BTRC: variants seen among roughly 807,000 people sequenced by gnomAD.
BTRC encodes the protein beta-transducin repeat containing E3 ubiquitin protein ligase.
Under a neutral mutation model 85.5 loss-of-function variants are expected in BTRC, and 42 were observed. The observed-to-expected ratio is 0.49, with a 90% CI of 0.38 to 0.64. The LOEUF (loss-of-function observed/expected upper bound fraction) is 0.64, where lower values mean the gene tolerates loss of function less well. Among genes scored for constraint, BTRC ranks in the 30% least tolerant of loss-of-function variants. The pLI, the probability that BTRC is intolerant of heterozygous loss-of-function variation, is 0.00. For synonymous variants in BTRC, 255 were observed against 263.3 expected (o/e 0.97, Z 0.30); for missense variants, 594 against 743.5 (o/e 0.80, Z 2.34).
rs535782033 is a variant in BTRC at position 101,555,415 on chromosome 10, C to T, written c.*2292C>T. The T allele has an allele frequency of 1.3e-5, 2 of 152,726 alleles. No individual in the cohort carries two copies. Among genetic ancestry groups the T allele is most frequent in the Non-Finnish European group, 2.9e-5 (2 of 68,018 alleles). 9.5% of individuals were successfully genotyped at this position (152,726 alleles called of 1,614,324 possible). A position where few individuals can be genotyped will look rare whatever the true frequency, so the allele number is the denominator to read the frequency against. ...ATGTCCAGTACATCACAAAGGAGAT[C>T]GGGGCGACCCCTGCAGATGTGGAGC... On this transcript the variant is annotated 3_prime_UTR_variant, in exon 15 of 15. Transcript: ENST00000370187.
At chr10:101,455,983 A>ACACACACACACACACACACACACACACAC (rs1554881061) in intron 2 of BTRC, among the ~76,000 whole-genome samples, 20 of 96,030 alleles carry the variant, frequency 2.1e-4, no homozygotes, top group Non-Finnish European at 3.4e-4. Flanking sequence ...CTCTACTAAA[A>ACACACACACACACACACACACACACACAC]ACACACACAC....
intron 6 of BTRC, among the ~76,000 whole-genome samples, chr10:101,526,943 A>G (rs1019006313): frequency 1.3e-5 from 2 of 152,212 alleles, no homozygotes; most frequent in East Asian, 3.8e-4. Context: ...AGACTTCACT[A>G]ATTTTTTTGT....
At chr10:101,390,954 G>A (rs1462878833) in intron 1 of BTRC, among the ~76,000 whole-genome samples, 4 of 152,066 alleles carry the variant, frequency 2.6e-5, no homozygotes, top group East Asian at 1.9e-4. Flanking sequence ...TGAAACTTGC[G>A]TGGAAAGAAG....
At chr10:101,358,567 A>G (rs1942109898) in intron 1 of BTRC, among the ~76,000 whole-genome samples, 1 of 152,232 alleles carries the variant, frequency 6.6e-6, no homozygotes, top group Non-Finnish European at 1.5e-5. Context: ...TGTTTAACAG[A>G]CAACCTCAAA....
chr10:101,437,530 G>C (rs1944563888), intron 2 of BTRC, among the ~76,000 whole-genome samples: 1 of 152,124 alleles, frequency 6.6e-6, no homozygotes, highest in South Asian at 2.1e-4. Flanking sequence ...GAAAATAGAA[G>C]TAGAAAGAAG....
At chr10:101,472,670 C>A (rs1179816547) in intron 3 of BTRC, among the ~76,000 whole-genome samples, 1 of 152,170 alleles carries the variant, frequency 6.6e-6, no homozygotes, top group Non-Finnish European at 1.5e-5. Context: ...CAAAAATTAT[C>A]TGGGCATGGT....
Position 101,532,340 on chromosome 10 carries a change from A to G in BTRC, c.886A>G (p.Ile296Val). Residue 296 changes from isoleucine (I) to valine (V), a missense_variant, in exon 8 of 15, where the codon ATT (isoleucine) becomes GTT (valine). By Grantham distance (29) the Ile-to-Val change is conservative (BLOSUM62 3). Coordinates refer to ENST00000370187, the MANE Select transcript of BTRC (RefSeq NM_033637.4). ...ATGTGGAAGACATAGTTTACAGAGA[A>G]TTCACTGCCGAAGTGAAACAAGCAA... ...WRCGRHSLQR[I>V]HCRSETSKGV... 1 of 1,613,798 alleles carries G rather than the reference A, an allele frequency of 6.2e-7. No individual in the cohort carries two copies. Among genetic ancestry groups the G allele is most frequent in the South Asian group, 1.1e-5 (1 of 90,998 alleles).
chr10:101,535,107 T>C (rs960080316), intron 10 of BTRC, among the ~76,000 whole-genome samples, 197 bp downstream of exon 10: 2 of 152,212 alleles, frequency 1.3e-5, no homozygotes, highest in African/African-American at 4.8e-5. Flanking sequence ...TTCCTATAAA[T>C]AGTGGTGAGT....
chr10:101,539,037 G>A (rs1257016706), intron 13 of BTRC, among the ~76,000 whole-genome samples: 1 of 146,482 alleles, frequency 6.8e-6, no homozygotes, highest in Non-Finnish European at 1.5e-5. Context: ...CAACAAGAGC[G>A]AAACTCTGTC....
chr10:101,437,125 G>A (rs1944553674), intron 2 of BTRC, among the ~76,000 whole-genome samples: 1 of 152,038 alleles, frequency 6.6e-6, no homozygotes, highest in Non-Finnish European at 1.5e-5. Context: ...AATAAATGTA[G>A]TTATTTTTTA....
chr10:101,380,589 A>G (rs1942904390), intron 1 of BTRC, among the ~76,000 whole-genome samples: 1 of 152,176 alleles, frequency 6.6e-6, no homozygotes, highest in South Asian at 2.1e-4. Context: ...TCTTTTAATT[A>G]GCAAACTTCC....
intron 4 of BTRC, among the ~76,000 whole-genome samples, chr10:101,514,690 T>C (rs1212035491): frequency 6.6e-6 from 1 of 152,154 alleles, no homozygotes; most frequent in Non-Finnish European, 1.5e-5. Context: ...TGACCTCAGG[T>C]GATCTGCCTG....
At chr10:101,426,350 G>A (rs1944251479) in intron 1 of BTRC, among the ~76,000 whole-genome samples, 1 of 152,126 alleles carries the variant, frequency 6.6e-6, no homozygotes, top group Admixed American at 6.5e-5. Flanking sequence ...CTATATTCAA[G>A]TATAGTTTTC....
chr10:101,474,471 A>G (rs1352309464), intron 3 of BTRC, among the ~76,000 whole-genome samples: 1 of 152,256 alleles, frequency 6.6e-6, no homozygotes, highest in Non-Finnish European at 1.5e-5. Context: ...GAATATCTGC[A>G]CAGGCCTTTC....
intron 2 of BTRC, among the ~76,000 whole-genome samples, chr10:101,456,364 A>G (rs548206154): frequency 1.3e-5 from 2 of 152,268 alleles, no homozygotes; most frequent in South Asian, 4.2e-4. Context: ...ATTCAAAGAA[A>G]AAGTTTATAG....
intron 3 of BTRC, among the ~76,000 whole-genome samples, chr10:101,476,875 A>G (rs934275334): frequency 1.2e-4 from 18 of 152,188 alleles, no homozygotes; most frequent in African/African-American, 2.9e-4. Flanking sequence ...ATTTATAGCA[A>G]TGGTTCTCGA....
At chr10:101,420,014 T>C (rs1944055698) in intron 1 of BTRC, among the ~76,000 whole-genome samples, 1 of 151,230 alleles carries the variant, frequency 6.6e-6, no homozygotes, top group African/African-American at 2.4e-5. Flanking sequence ...TCCTAGGCCC[T>C]CTCAGTTGGT....
chr10:101,475,648 A>G (rs1945659013), intron 3 of BTRC, among the ~76,000 whole-genome samples: 1 of 152,092 alleles, frequency 6.6e-6, no homozygotes, highest in South Asian at 2.1e-4. Context: ...TTTTCTTTCC[A>G]AAGAATGATA....
intron 5 of BTRC, 98 bp from the exon 6 acceptor site, chr10:101,525,915 T>A: frequency 8.4e-7 from 1 of 1,190,020 alleles, no homozygotes; most frequent in Admixed American, 2.2e-5. Context: ...TGTGCCTTCA[T>A]AGCAGAACAA....
Sources: gnomAD v4.1 joint callset for allele counts (sites outside exome capture counted in the v4.1 genomes callset) on GRCh38, gnomAD v4.1.1 for gene constraint, MANE v1.5 for transcripts, NCBI Gene and HGNC (gene_info 2026-07-23, HGNC 2026-07-21) for gene names.